Variants in OR9K2 observed in about 807,000 individuals in gnomAD.
The protein encoded by OR9K2 is olfactory receptor family 9 subfamily K member 2, also known as olfactory receptor 9K2.
Under a neutral mutation model 12.4 loss-of-function variants are expected in OR9K2, and 16 were observed. The observed-to-expected ratio is 1.29, with a 90% CI of 0.87 to 1.95. The LOEUF (loss-of-function observed/expected upper bound fraction) is 1.95. Ranked by LOEUF, OR9K2 falls within the 30% of genes most tolerant of loss-of-function variation. The probability of loss-of-function intolerance (pLI) is 0.00; values close to 1 mark genes in which losing one functional copy is unlikely to be tolerated. For missense variants in OR9K2, 434 were observed against 376.5 expected (o/e 1.15, Z -1.26); for synonymous variants, 133 against 133.2 (o/e 1.00, Z 0.01).
Position 55,130,843 on chromosome 12 carries a change from A to T in OR9K2, c.*67A>T. 1.1e-6 allele frequency: 1 copy of T among 881,336 alleles called. No individual in the cohort carries two copies. The highest frequency in any genetic ancestry group is 1.7e-6 in the Non-Finnish European group (1 of 580,780). 54.6% of individuals were successfully genotyped at this position (881,336 alleles called of 1,614,324 possible). On this transcript the variant is annotated 3_prime_UTR_variant, in exon 3 of 3. Transcript: ENST00000641329. ...TAATACACCTGTGTTCATTAATAAA[A>T]GTTACTCTCCCGAATGTCATAAAAA... is the stretch of plus-strand genomic sequence containing the variant.
chr12:55,130,847 A>C lies in OR9K2; in HGVS notation c.*71A>C. 1 of 860,360 alleles carries C rather than the reference A, an allele frequency of 1.2e-6. No individual in the cohort carries two copies. Among genetic ancestry groups the C allele is most frequent in the Non-Finnish European group, 1.8e-6 (1 of 566,548 alleles). The allele number at this position is 860,360 out of a possible 1,614,324, so 53.3% of individuals were successfully genotyped here. ...ACACCTGTGTTCATTAATAAAAGTT[A>C]CTCTCCCGAATGTCATAAAAATACT... On this transcript the variant is annotated 3_prime_UTR_variant, in exon 3 of 3. Coordinates refer to ENST00000641329, the MANE Select transcript of OR9K2 (RefSeq NM_001005243.2).
Position 55,130,995 on chromosome 12 carries a change from T to TA in OR9K2, c.*222dup, listed in dbSNP as rs1953469353. 1 of 385,434 alleles carries TA rather than the reference T, an allele frequency of 2.6e-6. No individual in the cohort carries two copies. The highest frequency in any genetic ancestry group is 4.5e-5 in the East Asian group (1 of 22,416). The allele number at this position is 385,434 out of a possible 1,614,324, so 23.9% of individuals were successfully genotyped here. On this transcript the variant is annotated 3_prime_UTR_variant, in exon 3 of 3. Coordinates refer to ENST00000641329, the MANE Select transcript of OR9K2 (RefSeq NM_001005243.2). ...GGACATTAGAGAAGTATTTTCATGA[T>TA]AAACCCTCTCACTGGTCTTCAACAT...
Position 55,130,739 on chromosome 12 carries a change from T to A in OR9K2, c.905T>A (p.Leu302Gln), listed in dbSNP as rs755370843. Reference sequence around the variant, plus strand: ...AGGAACAAAGATGTCCAAGAGGCTCTAAAAAAATTTCTAGAGAAGAAAAAT... The same window carrying A: ...AGGAACAAAGATGTCCAAGAGGCTCAAAAAAAATTTCTAGAGAAGAAAAAT... ...SLRNKDVQEALKKFLEKKNII... is the reference protein window; with the variant it reads ...SLRNKDVQEAQKKFLEKKNII... Residue 302 changes from leucine to glutamine, a missense_variant, in exon 3 of 3, where the codon CTA (leucine) becomes CAA (glutamine). Transcript: ENST00000641329. The A allele has an allele frequency of 1.3e-6, 2 of 1,575,224 alleles. No homozygotes were observed. Among genetic ancestry groups the A allele is most frequent in the South Asian group, 2.3e-5 (2 of 85,172 alleles).
intron 2 of OR9K2, 68 bp from the exon 3 acceptor site, chr12:55,129,758 G>A (rs1238860652): frequency 6.3e-7 from 1 of 1,582,140 alleles, no homozygotes; most frequent in African/African-American, 1.4e-5. Flanking sequence ...TACCATAAGA[G>A]ATTATTTGTA....
At position 55,130,572 on chromosome 12, in the gene OR9K2, T is replaced by C; in HGVS notation, c.738T>C (p.Ser246=). The C allele has an allele frequency of 6.2e-7, 1 of 1,613,896 alleles. No individual in the cohort carries two copies. The highest frequency in any genetic ancestry group is 8.5e-7 in the Non-Finnish European group (1 of 1,179,816). The change falls in exon 3 of 3, where the codon TCT becomes TCC. Residue 246 remains serine, a synonymous_variant. Coordinates refer to ENST00000641329, the MANE Select transcript of OR9K2 (RefSeq NM_001005243.2). The stretch of plus-strand genomic sequence containing the variant: ...AGAAGGCCTTCTCCACCTGCAGCTC[T>C]CACCTGGGAGTTGTGAGTGTGCTGT... ...GHKKAFSTCS[S]HLGVVSVLYG... is the part of the protein sequence containing the mutation.
chr12:55,130,671 C>A lies in OR9K2; in HGVS notation c.837C>A (p.Tyr279Ter), dbSNP rs1215039920. The A allele has an allele frequency of 6.2e-7, 1 of 1,612,730 alleles. No individual in the cohort carries two copies. Among genetic ancestry groups the A allele is most frequent in the South Asian group, 1.1e-5 (1 of 91,042 alleles). The change falls in exon 3 of 3, where the codon TAC becomes TAA. Residue 279 changes from tyrosine to a stop codon, truncating the protein, a stop_gained. Transcript: ENST00000641329. LOFTEE classifies it high-confidence loss of function. ...PELSKVASLC[Y>*]SLVTPMLNPL... ...TGAGTAAAGTGGCATCCTTATGTTA[C>A]TCCCTAGTCACTCCCATGTTGAATC...
rs1198793215 is a variant in OR9K2, at chr12:55,130,883, T to C, written c.*107T>C. On this transcript the variant is annotated 3_prime_UTR_variant, in exon 3 of 3. Transcript: ENST00000641329. ...TGTCATAAAAATACTCTTAGATGTT[T>C]TCATGTGATGTGCTCTTTCCATATT... 1.5e-6 allele frequency: 1 copy of C among 670,760 alleles called. No individual in the cohort carries two copies. The highest frequency in any genetic ancestry group is 1.8e-5 in the African/African-American group (1 of 55,136). 41.6% of individuals were successfully genotyped at this position (670,760 alleles called of 1,614,324 possible). A position where few individuals can be genotyped will look rare whatever the true frequency, so the allele number is the denominator to read the frequency against.
Position 55,130,366 on chromosome 12 carries a change from G to A in OR9K2, c.532G>A (p.Asp178Asn). Reference protein sequence around the residue: ...TLSFCASRAVDHFYCDSRPLQ... With the variant: ...TLSFCASRAVNHFYCDSRPLQ... ...ATCTTTTTGCGCTTCTCGGGCTGTT[G>A]ACCACTTTTACTGTGATTCTCGCCC... Residue 178 changes from aspartate to asparagine, a missense_variant, in exon 3 of 3, where the codon GAC (aspartate) becomes AAC (asparagine). Transcript: ENST00000641329. 6.2e-7 allele frequency: 1 copy of A among 1,613,936 alleles called. No homozygotes were observed. The highest frequency in any genetic ancestry group is 8.5e-7 in the Non-Finnish European group (1 of 1,179,950).
rs1018317519 is a variant in OR9K2, at chr12:55,130,405, T to A, written c.571T>A (p.Ser191Thr). Residue 191 changes from serine (S) to threonine (T), a missense_variant, in exon 3 of 3, where the codon TCT becomes ACT. Physicochemically the swap from Ser to Thr is moderately conservative, Grantham distance 58. Transcript: ENST00000641329. ...YCDSRPLQRL[S>T]CSDLFIHRMI... is the part of the protein sequence containing the mutation. ...TGATTCTCGCCCACTTCAGAGACTG[T>A]CTTGTTCTGATCTCTTTATCCATAG... 2.5e-6 allele frequency: 4 copies of A among 1,613,844 alleles called. No homozygotes were observed. In the Admixed American group the frequency reaches 6.7e-5, roughly 27 times the overall value.
intron 2 of OR9K2, 101 bp from the exon 3 acceptor site, chr12:55,129,724 TA>T: frequency 7.2e-7 from 1 of 1,394,862 alleles, no homozygotes; most frequent in South Asian, 1.3e-5. Context: ...AACATTAATT[TA>T]AAAATAGCTT....
At position 55,129,957 on chromosome 12, in the gene OR9K2, C is replaced by T. The variant is rs769834976; in HGVS notation, c.123C>T (p.Ile41=). Residue 41 remains isoleucine, a synonymous_variant, in exon 3 of 3, where the codon ATC becomes ATT. Coordinates refer to ENST00000641329, the MANE Select transcript of OR9K2 (RefSeq NM_001005243.2). ...TATTTTTGTTTGTTTATGCCATGAT[C>T]CTTCTAGGGAATGTTGGGATGATGA... The part of the protein sequence containing the change: ...FLLFLFVYAM[I]LLGNVGMMTI... 1.9e-6 allele frequency: 3 copies of T among 1,613,856 alleles called. No homozygotes were observed. The highest frequency in any genetic ancestry group is 2.7e-5 in the African/African-American group (2 of 74,918).
chr12:55,127,147 A>G (rs1224781557), intron 2 of OR9K2, among the ~76,000 whole-genome samples: 2 of 151,852 alleles, frequency 1.3e-5, no homozygotes, highest in Non-Finnish European at 1.5e-5. Context: ...GCTTTTTTCT[A>G]CGTAATAATA....
chr12:55,129,397 C>T (rs1366906474), intron 2 of OR9K2, among the ~76,000 whole-genome samples: 2 of 151,910 alleles, frequency 1.3e-5, no homozygotes, highest in African/African-American at 2.4e-5. Flanking sequence ...CTAAACTTGG[C>T]TACTAAAACC....
chr12:55,130,808 G>A lies in OR9K2; in HGVS notation c.*32G>A, dbSNP rs754368130. On this transcript the variant is annotated 3_prime_UTR_variant, in exon 3 of 3. Transcript: ENST00000641329. ...TTTCTCTTTCACCAATTTTATTGTG[G>A]CTATTTATTTAATACACCTGTGTTC... The A allele has an allele frequency of 1.5e-5, 19 of 1,295,240 alleles. No homozygotes were observed. The Admixed American group carries it at 3.6e-4, about 24-fold the overall frequency. The allele number at this position is 1,295,240 out of a possible 1,614,324, so 80.2% of individuals were successfully genotyped here. A position where few individuals can be genotyped will look rare whatever the true frequency, so the allele number is the denominator to read the frequency against.
rs370254104 is a variant in OR9K2, at chr12:55,129,902, G to A, written c.68G>A (p.Arg23His). 45 of 1,613,748 alleles carry A rather than the reference G, an allele frequency of 2.8e-5. No individual in the cohort carries two copies. The highest frequency in any genetic ancestry group is 6.6e-5 in the South Asian group (6 of 91,064). ...TTCATTCTTGCAGGCTTCAGGGTAC[G>A]CCCAGAGCTCCACATTCTCCTCTTC... ...TDFILAGFRV[R>H]PELHILLFLL... Residue 23 changes from arginine to histidine, a missense_variant, in exon 3 of 3, where the codon CGC (arginine) becomes CAC (histidine). Coordinates refer to ENST00000641329, the MANE Select transcript of OR9K2 (RefSeq NM_001005243.2).
Position 55,130,439 on chromosome 12 carries a change from C to A in OR9K2, c.605C>A (p.Ser202Tyr), listed in dbSNP as rs1396441162. Reference sequence around the variant, plus strand: ...GATCTCTTTATCCATAGAATGATATCTTTTTCCTTATCATGTATTATTATC... The same window carrying A: ...GATCTCTTTATCCATAGAATGATATATTTTTCCTTATCATGTATTATTATC... ...CSDLFIHRMI[S>Y]FSLSCIIILP... The change falls in exon 3 of 3, where the codon TCT becomes TAT. Residue 202 changes from serine to tyrosine, a missense_variant. Coordinates refer to ENST00000641329, the MANE Select transcript of OR9K2 (RefSeq NM_001005243.2). 38 of 1,613,478 alleles carry A rather than the reference C, an allele frequency of 2.4e-5. No homozygotes were observed. Among genetic ancestry groups the A allele is most frequent in the East Asian group, 4.5e-5 (2 of 44,884 alleles).
chr12:55,130,579 G>A lies in OR9K2; in HGVS notation c.745G>A (p.Gly249Arg), dbSNP rs1953465851. 1 of 1,613,492 alleles carries A rather than the reference G, an allele frequency of 6.2e-7. No homozygotes were observed. The highest frequency in any genetic ancestry group is 1.7e-5 in the Admixed American group (1 of 59,922). ...CTTCTCCACCTGCAGCTCTCACCTG[G>A]GAGTTGTGAGTGTGCTGTATGGTGC... is the stretch of plus-strand genomic sequence containing the variant. ...KAFSTCSSHL[G>R]VVSVLYGAVF... The change falls in exon 3 of 3, where the codon GGA becomes AGA. Residue 249 changes from glycine to arginine, a missense_variant. Transcript: ENST00000641329.
At position 55,130,541 on chromosome 12, in the gene OR9K2, G is replaced by T. The variant is rs147309652; in HGVS notation, c.707G>T (p.Gly236Val). 688 of 1,613,748 alleles carry T rather than the reference G, an allele frequency of 4.3e-4. 4 individuals are homozygous for T. In the African/African-American group the frequency reaches 7.5e-3, roughly 18 times the overall value. Residue 236 changes from glycine (G) to valine (V), a missense_variant, in exon 3 of 3, where the codon GGA becomes GTA. Coordinates refer to ENST00000641329, the MANE Select transcript of OR9K2 (RefSeq NM_001005243.2). ...STVLKIHSTEGHKKAFSTCSS... is the reference protein window; with the variant it reads ...STVLKIHSTEVHKKAFSTCSS... ...GTTCTAAAGATACATTCTACTGAGGGACATAAGAAGGCCTTCTCCACCTGC... is the reference window on the plus strand; with the variant it reads ...GTTCTAAAGATACATTCTACTGAGGTACATAAGAAGGCCTTCTCCACCTGC...
intron 2 of OR9K2, among the ~76,000 whole-genome samples, chr12:55,127,407 C>T (rs1327742838): frequency 6.6e-6 from 1 of 151,840 alleles, no homozygotes; most frequent in Non-Finnish European, 1.5e-5. Context: ...AATGATTTTT[C>T]ATGCTGACTT....
Sources: gnomAD v4.1 joint callset for allele counts (sites outside exome capture counted in the v4.1 genomes callset) on GRCh38, gnomAD v4.1.1 for gene constraint, MANE v1.5 for transcripts, NCBI Gene and HGNC (gene_info 2026-07-23, HGNC 2026-07-21) for gene names.